The following PLAAT3 variants were observed in gnomAD, a reference collection of about 807,000 sequenced individuals.
PLAAT3 encodes the protein phospholipase A and acyltransferase 3.
Under a neutral mutation model 16.7 loss-of-function variants are expected in PLAAT3, and 21 were observed. The observed-to-expected ratio is 1.26, with a 90% confidence interval of 0.89 to 1.81. PLAAT3 has a LOEUF of 1.81. Ranked by LOEUF, PLAAT3 falls within the 40% of genes most tolerant of loss-of-function variation. The pLI is 0.00. For synonymous variants in PLAAT3, 76 were observed against 81.7 expected (o/e 0.93, Z 0.38); for missense variants, 219 against 213.7 (o/e 1.02, Z -0.16).
In PLAAT3 at chr11:63,614,056, G is replaced by T. The variant is rs1257737368; in HGVS notation, c.-42C>A. ...GACCCTCAAGGCCAGGCTCGATTTC[G>T]CTGCGTAGATGTCTGAGGCAGGGGG... On this transcript the variant is annotated 5_prime_UTR_variant, in exon 2 of 5. Coordinates refer to ENST00000415826, the MANE Select transcript of PLAAT3 (RefSeq NM_001128203.2). 6.2e-7 allele frequency: 1 copy of T among 1,613,258 alleles called. No homozygotes were observed. Among genetic ancestry groups the T allele is most frequent in the Non-Finnish European group, 8.5e-7 (1 of 1,179,518 alleles).
intron 3 of PLAAT3, among the ~76,000 whole-genome samples, chr11:63,595,292 G>GAAAAAAAAAAAAAA (rs59751911): frequency 1.1e-5 from 1 of 88,460 alleles, no homozygotes; most frequent in African/African-American, 5.1e-5. Flanking sequence ...CTCCGTCTCG[G>GAAAAAAAAAAAAAA]AAAAAAAAAA....
chr11:63,604,969 G>A (rs925430013), intron 2 of PLAAT3, among the ~76,000 whole-genome samples: 46 of 152,090 alleles, frequency 3.0e-4, no homozygotes, highest in Admixed American at 6.6e-5. Context: ...TCTGGGTGCT[G>A]GGGCTAAGCG....
At chr11:63,613,113 T>TA (rs1938733128) in intron 2 of PLAAT3, among the ~76,000 whole-genome samples, 1 of 152,122 alleles carries the variant, frequency 6.6e-6, no homozygotes, top group Non-Finnish European at 1.5e-5. Context: ...TATTAAGTGA[T>TA]ATAATCTTCA....
At chr11:63,580,903 A>G (rs1320806445) in intron 4 of PLAAT3, among the ~76,000 whole-genome samples, 1 of 152,228 alleles carries the variant, frequency 6.6e-6, no homozygotes, top group Non-Finnish European at 1.5e-5. Flanking sequence ...AGAAGAACAT[A>G]AATTGTTAAG....
At chr11:63,589,615 A>G (rs2134406296) in intron 4 of PLAAT3, among the ~76,000 whole-genome samples, 1 of 152,310 alleles carries the variant, frequency 6.6e-6, no homozygotes, top group Middle Eastern at 3.4e-3. Flanking sequence ...AAGCACGATC[A>G]GGCTATGCCA....
chr11:63,585,943 G>T (rs961020741), intron 4 of PLAAT3, among the ~76,000 whole-genome samples: 1 of 152,034 alleles, frequency 6.6e-6, no homozygotes, highest in African/African-American at 2.4e-5. Context: ...ATGGCCAGGC[G>T]CAGTGGCTCA....
At chr11:63,583,003 C>A (rs1937864858) in intron 4 of PLAAT3, among the ~76,000 whole-genome samples, 1 of 152,048 alleles carries the variant, frequency 6.6e-6, no homozygotes, top group Non-Finnish European at 1.5e-5. Flanking sequence ...TGGTGGCACG[C>A]ACCTGTAATC....
At chr11:63,598,777 A>T in intron 2 of PLAAT3, 1 of 508,106 alleles carries the variant, frequency 2.0e-6, no homozygotes, top group Admixed American at 2.0e-5. Context: ...GCCTGGGCCT[A>T]ATGGAGAACT....
At chr11:63,582,305 A>G (rs1355484239) in intron 4 of PLAAT3, among the ~76,000 whole-genome samples, 1 of 152,202 alleles carries the variant, frequency 6.6e-6, no homozygotes, top group Non-Finnish European at 1.5e-5. Flanking sequence ...AGGAAATCCA[A>G]AGGATGACAG....
At chr11:63,600,929 A>G (rs1484080453) in intron 2 of PLAAT3, among the ~76,000 whole-genome samples, 2 of 151,982 alleles carry the variant, frequency 1.3e-5, no homozygotes, top group Non-Finnish European at 2.9e-5. Flanking sequence ...TGAATGTGGC[A>G]ACCATTCTGC....
chr11:63,589,897 C>T (rs371423673), intron 4 of PLAAT3, among the ~76,000 whole-genome samples: 2 of 151,144 alleles, frequency 1.3e-5, no homozygotes, highest in African/African-American at 4.9e-5. Context: ...CCCACCCCCG[C>T]CCCCGACTAC....
chr11:63,575,710 A>G (rs1298258536), intron 4 of PLAAT3, among the ~76,000 whole-genome samples: 1 of 152,248 alleles, frequency 6.6e-6, no homozygotes, highest in Non-Finnish European at 1.5e-5. Flanking sequence ...ACTCAACTAA[A>G]AGTAAACTAA....
intron 4 of PLAAT3, among the ~76,000 whole-genome samples, chr11:63,586,482 A>T (rs1257748955): frequency 6.6e-6 from 1 of 152,208 alleles, no homozygotes; most frequent in East Asian, 1.9e-4. Context: ...TAACTAAATG[A>T]GATGATTAGG....
chr11:63,597,952 C>A lies in PLAAT3; in HGVS notation c.118+109G>T, dbSNP rs187415049. On this transcript the variant is annotated intron_variant, in intron 3 of 4. Transcript: ENST00000415826. ...TCTTGTAACATTCAGAGACAACTGC[C>A]AGTTGGGAAGCAAGAAGAATGTTGG... The A allele has an allele frequency of 9.4e-5, 69 of 735,500 alleles. No homozygotes were observed. In the African/African-American group the frequency reaches 1.1e-3, roughly 11 times the overall value. The allele number at this position is 735,500 out of a possible 1,614,324, so 45.6% of individuals were successfully genotyped here.
chr11:63,593,600 ACT>A (rs1938205132), intron 3 of PLAAT3, among the ~76,000 whole-genome samples: 1 of 151,722 alleles, frequency 6.6e-6, no homozygotes. Context: ...ACGGGGTTTC[ACT>A]CTGTCACCCA....
upstream of PLAAT3, among the ~76,000 whole-genome samples, chr11:63,616,064 TA>T (rs1377781668): frequency 6.6e-6 from 1 of 152,190 alleles, no homozygotes; most frequent in Non-Finnish European, 1.5e-5. Flanking sequence ...TAAATCGAGC[TA>T]ATTAACATAT....
At chr11:63,590,396 G>T in intron 3 of PLAAT3, 28 bp from the exon 4 acceptor site, 3 of 1,609,780 alleles carry the variant, frequency 1.9e-6, no homozygotes, top group Non-Finnish European at 2.5e-6. Context: ...GGAAACAGAG[G>T]GATTGGTCCT....
At chr11:63,609,007 G>A (rs893652878) in intron 2 of PLAAT3, among the ~76,000 whole-genome samples, 13 of 152,284 alleles carry the variant, frequency 8.5e-5, no homozygotes, top group African/African-American at 2.6e-4. Flanking sequence ...TAACGTAGGA[G>A]CCATTCACTA....
chr11:63,598,239 C>A, intron 2 of PLAAT3, 76 bp from the exon 3 acceptor site: 1 of 976,418 alleles, frequency 1.0e-6, no homozygotes, highest in Non-Finnish European at 1.6e-6. Context: ...GAGGAAGGTG[C>A]AGCTGAGTGG....
Sources: gnomAD v4.1 joint callset for allele counts (sites outside exome capture counted in the v4.1 genomes callset) on GRCh38, gnomAD v4.1.1 for gene constraint, MANE v1.5 for transcripts, NCBI Gene and HGNC (gene_info 2026-07-23, HGNC 2026-07-21) for gene names.